KIAA0586: variants seen among roughly 807,000 people sequenced by gnomAD.
The protein encoded by KIAA0586 is protein TALPID3.
A neutral mutation model predicts 169.8 loss-of-function variants in KIAA0586; 144 were observed. That is an observed-to-expected ratio of 0.85 (90% CI 0.74 to 0.97). The LOEUF (loss-of-function observed/expected upper bound fraction) is 0.97, where lower values mean the gene tolerates loss of function less well. Among genes scored for constraint, KIAA0586 ranks in the 50% least tolerant of loss-of-function variants. KIAA0586 has a pLI of 0.00. For missense variants in KIAA0586, 1,854 were observed against 1,823.0 expected (o/e 1.02, Z -0.31); for synonymous variants, 625 against 612.4 (o/e 1.02, Z -0.30).
chr14:58,527,228 A>T (rs2045650033), intron 29 of KIAA0586, among the ~76,000 whole-genome samples: 1 of 152,158 alleles, frequency 6.6e-6, no homozygotes, highest in Admixed American at 6.5e-5. Context: ...CCTACATCTG[A>T]TTGGTGTACC....
At chr14:58,484,681 GA>G (rs1017638636) in intron 21 of KIAA0586, among the ~76,000 whole-genome samples, 11 of 149,102 alleles carry the variant, frequency 7.4e-5, no homozygotes, top group East Asian at 2.0e-4. Context: ...CAGTCAAGAA[GA>G]AAAAAAGACA....
At chr14:58,456,997 C>T (rs112034399) in intron 10 of KIAA0586, among the ~76,000 whole-genome samples, 187 bp downstream of exon 10, 43 of 152,322 alleles carry the variant, frequency 2.8e-4, no homozygotes, top group African/African-American at 1.0e-3. Context: ...CTACTTATCG[C>T]TCCTTGACCA....
Position 58,439,452 on chromosome 14 carries a change from G to T in KIAA0586, c.411-3254G>T, listed in dbSNP as rs547245188. Among the ~76,000 whole-genome samples the T allele has an allele frequency of 1.1e-4, 16 of 152,158 alleles. 1 individual carries two copies. In the South Asian group the frequency reaches 3.3e-3, roughly 32 times the overall value. On this transcript the variant is annotated intron_variant, in intron 4 of 30. Transcript: ENST00000652326. The stretch of plus-strand genomic sequence containing the variant: ...TCCGCCCGCCTCAGCCTCCCAAAGT[G>T]CTGGGATTACAGGCGTGAGCCACCG...
At chr14:58,506,310 G>T (rs766709426) in intron 27 of KIAA0586, among the ~76,000 whole-genome samples, 1 of 152,060 alleles carries the variant, frequency 6.6e-6, no homozygotes, top group Non-Finnish European at 1.5e-5. Flanking sequence ...TCTTATGTTA[G>T]ATAATTAAAT....
intron 3 of KIAA0586, 49 bp downstream of exon 3, chr14:58,430,766 C>T (rs1411899770): frequency 1.9e-6 from 2 of 1,060,840 alleles, no homozygotes. Flanking sequence ...ATATACATAA[C>T]ATAAAGTTTA....
intron 18 of KIAA0586, among the ~76,000 whole-genome samples, chr14:58,473,860 C>T (rs984147990): frequency 6.6e-6 from 1 of 151,748 alleles, no homozygotes; most frequent in Admixed American, 6.6e-5. Context: ...GAGCTGAGAT[C>T]GCACCATTGG....
rs532878933 is a variant in KIAA0586 at position 58,523,894 on chromosome 14, C to T, written c.4429+11267C>T. ...ATTATTTTTATTATACCACAATGCC[C>T]TCCAAATTAACTGCAAGTTGATGTA... is the stretch of plus-strand genomic sequence containing the variant. On this transcript the variant is annotated intron_variant, in intron 29 of 30. Transcript: ENST00000652326. Among the ~76,000 whole-genome samples the T allele has an allele frequency of 2.0e-5, 3 of 152,104 alleles. No individual in the cohort carries two copies. In the East Asian group the frequency reaches 5.8e-4, roughly 29 times the overall value.
chr14:58,516,361 A>G (rs989917514), intron 29 of KIAA0586, among the ~76,000 whole-genome samples: 1 of 152,138 alleles, frequency 6.6e-6, no homozygotes, highest in Non-Finnish European at 1.5e-5. Flanking sequence ...CACATCTGTT[A>G]TTTCCAGGGT....
In KIAA0586 at chr14:58,491,969, T is replaced by C. The variant is rs150034855; in HGVS notation, c.3859-175T>C. ...TATATTTGAGGCAAAGATAGAGGGC[T>C]TTTATTATAGACAAATGGAAATGAG... is the stretch of plus-strand genomic sequence containing the variant. On this transcript the variant is annotated intron_variant, in intron 25 of 30. Coordinates refer to ENST00000652326, the MANE Select transcript of KIAA0586 (RefSeq NM_001329943.3). Among the ~76,000 whole-genome samples the C allele has an allele frequency of 3.2e-3, 490 of 152,348 alleles. 3 individuals carry two copies. The highest frequency in any genetic ancestry group is 0.01 in the African/African-American group (436 of 41,582).
chr14:58,515,791 A>G (rs1193123126), intron 29 of KIAA0586, among the ~76,000 whole-genome samples: 1 of 152,184 alleles, frequency 6.6e-6, no homozygotes, highest in Non-Finnish European at 1.5e-5. Context: ...ATTGGTTAAC[A>G]AAAAATAAAT....
intron 27 of KIAA0586, among the ~76,000 whole-genome samples, chr14:58,507,253 CATGTATGATTT>C (rs1489381297): frequency 6.9e-6 from 1 of 144,524 alleles, no homozygotes; most frequent in African/African-American, 2.5e-5. Flanking sequence ...ATATATAAAT[CATGTATGATTT>C]ATATATATGT....
intron 21 of KIAA0586, among the ~76,000 whole-genome samples, chr14:58,483,074 C>T (rs572402612): frequency 1.3e-5 from 2 of 152,212 alleles, no homozygotes; most frequent in Admixed American, 6.5e-5. Flanking sequence ...TACAGTTGTC[C>T]ATTGGTGTAC....
At chr14:58,546,198 G>GGGT (rs2046971580) in intron 30 of KIAA0586, among the ~76,000 whole-genome samples, 1 of 151,984 alleles carries the variant, frequency 6.6e-6, no homozygotes, top group Non-Finnish European at 1.5e-5. Context: ...ATTATAGTTT[G>GGGT]TGATATTGCT....
intron 27 of KIAA0586, among the ~76,000 whole-genome samples, chr14:58,502,132 CT>C (rs998189933): frequency 2.6e-4 from 38 of 147,682 alleles, no homozygotes; most frequent in Admixed American, 6.8e-4. Context: ...ACCATAATGT[CT>C]TTTTTTTTTT....
downstream of KIAA0586, among the ~76,000 whole-genome samples, chr14:58,554,688 A>G (rs1365203470): frequency 1.3e-5 from 2 of 152,232 alleles, no homozygotes; most frequent in Admixed American, 6.5e-5. Context: ...TTTTCTCAGT[A>G]AAAGGCCAGA....
Position 58,457,865 on chromosome 14 carries a change from T to C in KIAA0586, c.1469T>C (p.Ile490Thr), listed in dbSNP as rs1293899538. 6.2e-7 allele frequency: 1 copy of C among 1,608,486 alleles called. No homozygotes were observed. Among genetic ancestry groups the C allele is most frequent in the South Asian group, 1.1e-5 (1 of 90,108 alleles). ...TRSVLKDAEK[I>T]LRGVQNNKKV... ...TCTGTATTGAAAGATGCTGAGAAGA[T>C]TTTGAGAGGAGTACAAAACAATAAA... Residue 490 changes from isoleucine to threonine, a missense_variant, in exon 11 of 31, where the codon ATT (isoleucine) becomes ACT (threonine). By Grantham distance (89) the Ile-to-Thr change is moderately conservative. Coordinates refer to ENST00000652326, the MANE Select transcript of KIAA0586 (RefSeq NM_001329943.3).
At chr14:58,552,692 A>T (rs2047221925), downstream of KIAA0586, among the ~76,000 whole-genome samples, 1 of 152,210 alleles carries the variant, frequency 6.6e-6, no homozygotes, top group Non-Finnish European at 1.5e-5. Context: ...GATGAGACTG[A>T]ACAGGACTTA....
At chr14:58,431,859 T>A (rs975691387) in intron 3 of KIAA0586, among the ~76,000 whole-genome samples, 1 of 152,224 alleles carries the variant, frequency 6.6e-6, no homozygotes, top group Non-Finnish European at 1.5e-5. Context: ...AGTTCTTGAT[T>A]TCATTCTCAG....
intron 28 of KIAA0586, 35 bp from the exon 29 acceptor site, chr14:58,512,487 A>T (rs560153169): frequency 8.5e-7 from 1 of 1,173,954 alleles, no homozygotes; most frequent in South Asian, 1.6e-5. Context: ...GTAACTAAAA[A>T]ATAATATTAT....
Sources: gnomAD v4.1 joint callset for allele counts (sites outside exome capture counted in the v4.1 genomes callset) on GRCh38, gnomAD v4.1.1 for gene constraint, MANE v1.5 for transcripts, NCBI Gene and HGNC (gene_info 2026-07-23, HGNC 2026-07-21) for gene names.